TENM2: variants seen among roughly 807,000 people sequenced by gnomAD.
The protein encoded by TENM2 is teneurin-2.
TENM2 carries 52 observed loss-of-function variants against 245.2 expected under a neutral mutation model. The observed-to-expected ratio is 0.21, with a 90% CI of 0.17 to 0.27. The LOEUF is 0.27. Ranked by LOEUF, TENM2 falls within the 10% of genes least tolerant of loss-of-function variation. The pLI is 1.00. For synonymous variants in TENM2, 1,363 were observed against 1,438.9 expected, an observed-to-expected ratio of 0.95 and a Z score of 1.19; for missense variants, 3,046 against 3,666.8, an observed-to-expected ratio of 0.83 and a Z score of 4.37.
chr5:167,991,135 A>C (rs1783633292), intron 4 of TENM2, among the ~76,000 whole-genome samples: 1 of 152,236 alleles, frequency 6.6e-6, no homozygotes, highest in Admixed American at 6.5e-5. Context: ...GTTTAGTTGC[A>C]AGTAAAACAT....
chr5:167,806,520 T>C (rs377733785), intron 2 of TENM2, among the ~76,000 whole-genome samples: 1 of 152,104 alleles, frequency 6.6e-6, no homozygotes, highest in East Asian at 1.9e-4. Context: ...CTCTTCCCTA[T>C]TGCCTTTCAC....
chr5:167,239,897 C>T, the TENM2 span, among the ~76,000 whole-genome samples: 1 of 152,140 alleles, frequency 6.6e-6, no homozygotes, highest in African/African-American at 2.4e-5. Context: ...CTCAATCTCC[C>T]AAGTAGCTGG....
intron 4 of TENM2, among the ~76,000 whole-genome samples, chr5:167,985,213 G>C (rs1783152512): frequency 6.6e-6 from 1 of 152,114 alleles, no homozygotes; most frequent in African/African-American, 2.4e-5. Context: ...CCCATTCCTG[G>C]GGTGTTTCTG....
At chr5:167,816,190 C>T (rs181266347) in intron 2 of TENM2, among the ~76,000 whole-genome samples, 23 of 152,124 alleles carry the variant, frequency 1.5e-4, no homozygotes, top group East Asian at 3.9e-4. Context: ...CACCTGTTTC[C>T]GGAACAGAAG....
the TENM2 span, among the ~76,000 whole-genome samples, chr5:167,109,070 A>G: frequency 6.6e-6 from 1 of 152,194 alleles, no homozygotes; most frequent in Non-Finnish European, 1.5e-5. Context: ...TCATTAACGG[A>G]TAATTGAGAG....
chr5:167,463,545 C>G (rs1175763239), intron 2 of TENM2, among the ~76,000 whole-genome samples: 1 of 151,266 alleles, frequency 6.6e-6, no homozygotes, highest in African/African-American at 2.4e-5. Flanking sequence ...GTTGCCCAGG[C>G]TGGAGTGTAA....
chr5:167,559,272 C>T (rs1773442536), intron 2 of TENM2, among the ~76,000 whole-genome samples: 1 of 152,118 alleles, frequency 6.6e-6, no homozygotes. Context: ...CCGTTGTGTC[C>T]CCCTGCAATG....
chr5:167,343,331 GGTGCTGGA>G (rs1350155022), intron 1 of TENM2, among the ~76,000 whole-genome samples: 6 of 152,112 alleles, frequency 3.9e-5, no homozygotes, highest in African/African-American at 1.4e-4. Flanking sequence ...CCAACATCTG[GGTGCTGGA>G]TGTGCTCCTC....
chr5:167,459,909 TAAAC>T (rs1359989785), intron 2 of TENM2, among the ~76,000 whole-genome samples: 5 of 105,594 alleles, frequency 4.7e-5, no homozygotes, highest in African/African-American at 1.1e-4. Context: ...TATATAAAGA[TAAAC>T]ACACACACAC....
At chr5:167,094,298 A>C in the TENM2 span, among the ~76,000 whole-genome samples, 1 of 152,068 alleles carries the variant, frequency 6.6e-6, no homozygotes, top group African/African-American at 2.4e-5. Context: ...CATCACCTCA[A>C]AACTGCCTGT....
chr5:167,637,772 A>G (rs764640714), intron 2 of TENM2, among the ~76,000 whole-genome samples: 7 of 152,098 alleles, frequency 4.6e-5, no homozygotes, highest in African/African-American at 7.2e-5. Flanking sequence ...ATGAGAACAC[A>G]TAGACACAGG....
At chr5:167,801,150 ATATG>A (rs1335987311) in intron 2 of TENM2, among the ~76,000 whole-genome samples, 1,589 of 88,906 alleles carry the variant, frequency 0.018, 27 homozygotes, top group African/African-American at 0.023. Context: ...ATATATATAT[ATATG>A]TATATATTCC....
intron 2 of TENM2, among the ~76,000 whole-genome samples, chr5:167,389,563 G>A (rs1476528101): frequency 1.3e-5 from 2 of 151,878 alleles, no homozygotes; most frequent in Non-Finnish European, 2.9e-5. Flanking sequence ...TCCTTTCATT[G>A]TACATTTAAC....
At position 167,433,944 on chromosome 5, in the gene TENM2, A is replaced by G. The variant is rs181412193; in HGVS notation, c.502+58471A>G. Among the ~76,000 whole-genome samples, 338 of 152,334 alleles carry G rather than the reference A, an allele frequency of 2.2e-3. 2 individuals are homozygous for G. Among genetic ancestry groups the G allele is most frequent in the Non-Finnish European group, 8.8e-4 (60 of 68,020 alleles). ...TTAATAAAACGGTATAGATGTAACT[A>G]CAAAATTATCAATGTAACATATCTT... On this transcript the variant is annotated intron_variant, in intron 2 of 28. Coordinates refer to ENST00000518659, the Ensembl canonical transcript of TENM2.
At chr5:167,903,445 GA>G (rs1228067479) in intron 3 of TENM2, among the ~76,000 whole-genome samples, 2 of 127,618 alleles carry the variant, frequency 1.6e-5, no homozygotes, top group African/African-American at 5.9e-5. Flanking sequence ...TAGAATGGAG[GA>G]AAAAAAGGCT....
intron 2 of TENM2, among the ~76,000 whole-genome samples, chr5:167,844,063 T>G (rs1309519562): frequency 2.6e-5 from 4 of 152,226 alleles, no homozygotes; most frequent in African/African-American, 9.6e-5. Flanking sequence ...CCTTACTGCC[T>G]GTACAGCTTA....
rs374377288 is a variant in TENM2, at chr5:167,584,040, T to G, written c.502+208567T>G. 1.7e-3 allele frequency among the ~76,000 whole-genome samples: 260 copies of G among 152,348 alleles called. 12 individuals are homozygous for G. The South Asian group carries it at 0.052, about 30-fold the overall frequency. ...TACTGTAACAATGCACTCACCTTAT[T>G]GTAACAGTGTCCTCACTATATATAA... On this transcript the variant is annotated intron_variant, in intron 2 of 28. Coordinates refer to ENST00000518659, the Ensembl canonical transcript of TENM2.
chr5:167,304,658 G>GT (rs1000572782), intron 1 of TENM2, among the ~76,000 whole-genome samples: 25 of 151,028 alleles, frequency 1.7e-4, no homozygotes, highest in South Asian at 2.1e-4. Context: ...TTGTTTGTTT[G>GT]TTTTTTTTAA....
At chr5:168,020,031 C>A (rs1201258167) in intron 5 of TENM2, among the ~76,000 whole-genome samples, 1 of 152,182 alleles carries the variant, frequency 6.6e-6, no homozygotes, top group Non-Finnish European at 1.5e-5. Flanking sequence ...ATACCATGTT[C>A]TCTGAGGGTT....
Sources: gnomAD v4.1 joint callset for allele counts (sites outside exome capture counted in the v4.1 genomes callset) on GRCh38, gnomAD v4.1.1 for gene constraint, MANE v1.5 for transcripts, NCBI Gene and HGNC (gene_info 2026-07-23, HGNC 2026-07-21) for gene names.